The following ADCY8 variants were observed in gnomAD, a reference collection of about 807,000 sequenced individuals.
ADCY8 encodes the protein adenylate cyclase type 8.
Under a neutral mutation model 119.7 loss-of-function variants are expected in ADCY8, and 51 were observed. The ratio of observed to expected loss-of-function variants is 0.43; its 90% CI spans 0.34 to 0.54. The LOEUF (loss-of-function observed/expected upper bound fraction) is 0.54, where lower values mean the gene tolerates loss of function less well. ADCY8 is among the 20% of genes least tolerant of loss of function. The probability of loss-of-function intolerance (pLI) is 0.03; values close to 1 mark genes in which losing one functional copy is unlikely to be tolerated. For synonymous variants in ADCY8, 665 were observed against 651.0 expected (o/e 1.02, Z -0.33); for missense variants, 1,383 against 1,598.8 (o/e 0.87, Z 2.30).
chr8:131,005,605 C>T (rs1823090711), intron 1 of ADCY8, among the ~76,000 whole-genome samples: 1 of 152,210 alleles, frequency 6.6e-6, no homozygotes, highest in Non-Finnish European at 1.5e-5. Context: ...CAAGTTTCTT[C>T]ATCTTTAGTT....
intron 1 of ADCY8, among the ~76,000 whole-genome samples, chr8:130,998,863 T>C (rs1299048681): frequency 2.0e-5 from 3 of 151,806 alleles, no homozygotes; most frequent in South Asian, 2.1e-4. Context: ...AAGTTCTAGT[T>C]AAAAAAAATG....
chr8:130,871,602 T>A (rs2217826), intron 8 of ADCY8, among the ~76,000 whole-genome samples: 100,853 of 152,036 alleles, frequency 0.66, 33,773 homozygotes, highest in East Asian at 0.92. Flanking sequence ...CTATACTTTC[T>A]TCTATGTGAA....
At chr8:131,016,718 G>A (rs1823485658) in intron 1 of ADCY8, among the ~76,000 whole-genome samples, 1 of 152,096 alleles carries the variant, frequency 6.6e-6, no homozygotes, top group African/African-American at 2.4e-5. Context: ...GAGAGTATGT[G>A]GAGACAGGGA....
At chr8:130,850,530 G>A (rs530378094) in intron 9 of ADCY8, among the ~76,000 whole-genome samples, 1 of 151,872 alleles carries the variant, frequency 6.6e-6, no homozygotes, top group Non-Finnish European at 1.5e-5. Context: ...GCTTCTCCTT[G>A]GGAATTAATT....
At chr8:130,960,185 AG>A (rs1479911455) in intron 2 of ADCY8, among the ~76,000 whole-genome samples, 1 of 152,122 alleles carries the variant, frequency 6.6e-6, no homozygotes. Flanking sequence ...AGAGGGAAAG[AG>A]GGGTATCAAG....
chr8:130,923,247 G>A (rs769479513), intron 5 of ADCY8, among the ~76,000 whole-genome samples: 2 of 151,274 alleles, frequency 1.3e-5, no homozygotes, highest in Non-Finnish European at 2.9e-5. Context: ...GGGAGAAGAA[G>A]TGACGAAGGG....
chr8:130,919,715 C>T (rs888688392), intron 5 of ADCY8, among the ~76,000 whole-genome samples: 5 of 152,140 alleles, frequency 3.3e-5, no homozygotes, highest in Non-Finnish European at 7.3e-5. Flanking sequence ...AGGCTTGTGA[C>T]TGGGTAGTTT....
chr8:130,788,764 G>T (rs1815335745), intron 15 of ADCY8, among the ~76,000 whole-genome samples: 2 of 151,742 alleles, frequency 1.3e-5, no homozygotes, highest in African/African-American at 4.8e-5. Context: ...AATTATATTT[G>T]TCAATTAAAA....
intron 2 of ADCY8, among the ~76,000 whole-genome samples, chr8:130,972,813 C>A (rs1256878567): frequency 6.7e-6 from 1 of 149,782 alleles, no homozygotes. Flanking sequence ...AGTACATTTT[C>A]TAGCTGAGTG....
At chr8:131,037,953 TCA>T (rs1158665963) in intron 1 of ADCY8, among the ~76,000 whole-genome samples, 30 of 152,178 alleles carry the variant, frequency 2.0e-4, no homozygotes, top group African/African-American at 7.0e-4. Flanking sequence ...CAACCCTTAC[TCA>T]GAGTCTCTCA....
intron 13 of ADCY8, among the ~76,000 whole-genome samples, chr8:130,816,346 A>G (rs1222793737): frequency 6.6e-6 from 1 of 151,958 alleles, no homozygotes; most frequent in Non-Finnish European, 1.5e-5. Context: ...TGTATATAGT[A>G]TGCTACCATT....
chr8:130,792,604 C>T (rs1202372241), intron 15 of ADCY8, among the ~76,000 whole-genome samples: 1 of 152,178 alleles, frequency 6.6e-6, no homozygotes, highest in Non-Finnish European at 1.5e-5. Context: ...TAACCCACAT[C>T]TAATCTATCA....
At chr8:130,952,924 T>C (rs779699742) in intron 2 of ADCY8, among the ~76,000 whole-genome samples, 28 of 152,236 alleles carry the variant, frequency 1.8e-4, no homozygotes, top group Admixed American at 7.8e-4. Flanking sequence ...ACTAGCTCTT[T>C]ATCAAAGATG....
chr8:130,818,782 G>A (rs1041927603), intron 13 of ADCY8, among the ~76,000 whole-genome samples: 2 of 152,160 alleles, frequency 1.3e-5, no homozygotes, highest in African/African-American at 4.8e-5. Flanking sequence ...CAACCCTGCA[G>A]AAAGCCGCCC....
chr8:130,951,755 A>T, intron 3 of ADCY8, 113 bp downstream of exon 3: 1 of 1,312,216 alleles, frequency 7.6e-7, no homozygotes. Flanking sequence ...TTAATCAACC[A>T]GATGAGGAAA....
In ADCY8 at chr8:130,973,038, G is replaced by GA. The variant is rs540513709; in HGVS notation, c.1110+17354dup. 1.7e-3 allele frequency among the ~76,000 whole-genome samples: 266 copies of GA among 152,010 alleles called. 1 individual carries two copies. Among genetic ancestry groups the GA allele is most frequent in the African/African-American group, 6.1e-3 (253 of 41,506 alleles). On this transcript the variant is annotated intron_variant, in intron 2 of 17. Coordinates refer to ENST00000286355, the MANE Select transcript of ADCY8 (RefSeq NM_001115.3). ...CACTTTAAACCCTTAACATGAAACA[G>GA]AAAAAAAGGCTAATACTAGTGCATT...
chr8:130,786,415 C>T (rs564064844), intron 15 of ADCY8, among the ~76,000 whole-genome samples: 1 of 152,296 alleles, frequency 6.6e-6, no homozygotes, highest in African/African-American at 2.4e-5. Context: ...TGAACCCAGG[C>T]CCCAAAGATG....
Position 130,904,936 on chromosome 8 carries a change from G to A in ADCY8, c.1641-894C>T, listed in dbSNP as rs139706697. Among the ~76,000 whole-genome samples, 3 of 152,264 alleles carry A rather than the reference G, an allele frequency of 2.0e-5. No homozygotes were observed. The East Asian group carries it at 5.8e-4, about 29-fold the overall frequency. ...CTGGGTAGACTAGCAAGGTAAGGTGGTTACAAACATGGACTTCATTGCTAG... is the reference window on the plus strand; with the variant it reads ...CTGGGTAGACTAGCAAGGTAAGGTGATTACAAACATGGACTTCATTGCTAG... On this transcript the variant is annotated intron_variant, in intron 6 of 17. Coordinates refer to ENST00000286355, the MANE Select transcript of ADCY8 (RefSeq NM_001115.3).
rs1586461785 is a variant in ADCY8, at chr8:130,833,729, A to T, written c.2675+2548T>A. On this transcript the variant is annotated intron_variant, in intron 12 of 17. Transcript: ENST00000286355. ...GAGCTGACTAATATAGACAGATGATATATATGTCACTTTACCTATGAGCAA... is the reference window on the plus strand; with the variant it reads ...GAGCTGACTAATATAGACAGATGATTTATATGTCACTTTACCTATGAGCAA... Among the ~76,000 whole-genome samples the T allele has an allele frequency of 3.3e-5, 5 of 152,298 alleles. No individual in the cohort carries two copies. In the South Asian group the frequency reaches 1.0e-3, roughly 32 times the overall value.
Sources: gnomAD v4.1 joint callset for allele counts (sites outside exome capture counted in the v4.1 genomes callset) on GRCh38, gnomAD v4.1.1 for gene constraint, MANE v1.5 for transcripts, NCBI Gene and HGNC (gene_info 2026-07-23, HGNC 2026-07-21) for gene names.